KLF8: variants seen among roughly 807,000 people sequenced by gnomAD.
KLF8 encodes the protein KLF transcription factor 8.
A neutral mutation model predicts 18.2 loss-of-function variants in KLF8; 10 were observed. That is an observed-to-expected ratio of 0.55 (90% confidence interval 0.34 to 0.93). The LOEUF (loss-of-function observed/expected upper bound fraction) is 0.93. Ranked by LOEUF, KLF8 falls within the 40% of genes least tolerant of loss-of-function variation. The probability of loss-of-function intolerance (pLI) is 0.02; values close to 1 mark genes in which losing one functional copy is unlikely to be tolerated. For synonymous variants in KLF8, 109 were observed against 97.3 expected, an observed-to-expected ratio of 1.12 and a Z score of -0.71; for missense variants, 264 against 277.9, an observed-to-expected ratio of 0.95 and a Z score of 0.36.
At chrX:56,105,523 T>A in the KLF8 span, among the ~76,000 whole-genome samples, 13,703 of 109,444 alleles carry the variant, frequency 0.13, 1,615 homozygotes, top group African/African-American at 0.37. Flanking sequence ...AGACTAGAAC[T>A]GCAACCCCTG....
the KLF8 span, among the ~76,000 whole-genome samples, chrX:56,183,912 C>G: frequency 2.7e-5 from 3 of 111,413 alleles, no homozygotes; most frequent in Non-Finnish European, 5.7e-5. Flanking sequence ...CGAATAGGAA[C>G]AGCTCTGGTC....
At chrX:56,127,741 T>C in the KLF8 span, among the ~76,000 whole-genome samples, 1 of 111,693 alleles carries the variant, frequency 9.0e-6, no homozygotes, top group East Asian at 2.8e-4. Context: ...TATCAAAATA[T>C]CATGTTATAT....
At position 56,232,597 on chromosome X, in the gene KLF8, T is replaced by A. The variant is rs1426533301; in HGVS notation, c.-738T>A. 9.0e-6 allele frequency: 1 copy of A among 111,514 alleles called. No individual in the cohort carries two copies. The highest frequency in any genetic ancestry group is 1.9e-5 in the Non-Finnish European group (1 of 53,065). 9.2% of individuals were successfully genotyped at this position (111,514 alleles called of 1,213,427 possible). ...GCCCCAGAGGACCCGCACGAGTTGC[T>A]GCCATTTTTCGCTGAAGCCCCTGCC... is the stretch of plus-strand genomic sequence containing the variant. On this transcript the variant is annotated 5_prime_UTR_variant, in exon 1 of 6. Transcript: ENST00000468660.
the KLF8 span, among the ~76,000 whole-genome samples, chrX:56,208,491 A>AT: frequency 4.3e-4 from 47 of 109,271 alleles, no homozygotes; most frequent in Admixed American, 2.5e-3. Context: ...TCTAATCCTT[A>AT]TTTTTTTTCT....
chrX:56,000,436 G>T, the KLF8 span, among the ~76,000 whole-genome samples: 4 of 82,649 alleles, frequency 4.8e-5, no homozygotes, highest in Admixed American at 1.8e-4. Context: ...ACATCTGGTA[G>T]AATTCAGCTG....
chrX:56,206,060 T>C, the KLF8 span, among the ~76,000 whole-genome samples: 1 of 111,281 alleles, frequency 9.0e-6, no homozygotes, highest in Non-Finnish European at 1.9e-5. Flanking sequence ...CTCCCACTTA[T>C]AAAACCATCA....
At chrX:55,975,800 T>C in the KLF8 span, among the ~76,000 whole-genome samples, 2 of 111,285 alleles carry the variant, frequency 1.8e-5, no homozygotes, top group Non-Finnish European at 3.8e-5. Context: ...AAAATTGAGG[T>C]ATAATTAACA....
chrX:56,138,478 T>A, the KLF8 span, among the ~76,000 whole-genome samples: 1 of 111,671 alleles, frequency 9.0e-6, no homozygotes, highest in Non-Finnish European at 1.9e-5. Flanking sequence ...CATAATCAAG[T>A]AGGCCTTATT....
chrX:56,079,075 G>C, the KLF8 span, among the ~76,000 whole-genome samples: 1 of 110,549 alleles, frequency 9.0e-6, no homozygotes, highest in Non-Finnish European at 1.9e-5. Context: ...CAATTTTGTT[G>C]ATCCTTTCAA....
chrX:56,193,380 G>T, the KLF8 span, among the ~76,000 whole-genome samples: 1 of 111,896 alleles, frequency 8.9e-6, no homozygotes, highest in East Asian at 2.8e-4. Context: ...GGGGTTGTAA[G>T]TTAGTACAAC....
At chrX:55,965,546 A>C in the KLF8 span, among the ~76,000 whole-genome samples, 2 of 111,893 alleles carry the variant, frequency 1.8e-5, no homozygotes, top group African/African-American at 6.5e-5. Context: ...ACAATCAGGC[A>C]AGGGAAAGAA....
chrX:56,051,063 C>G, the KLF8 span, among the ~76,000 whole-genome samples: 2 of 109,948 alleles, frequency 1.8e-5, no homozygotes, highest in African/African-American at 3.3e-5. Flanking sequence ...GGTTTAAAGT[C>G]TGTTTTATCA....
At chrX:56,189,346 G>C in the KLF8 span, among the ~76,000 whole-genome samples, 26 of 111,789 alleles carry the variant, frequency 2.3e-4, no homozygotes, top group African/African-American at 8.1e-4. Flanking sequence ...AGTTAGAATG[G>C]CAATCATTAA....
chrX:56,075,071 C>G, the KLF8 span, among the ~76,000 whole-genome samples: 1 of 110,244 alleles, frequency 9.1e-6, no homozygotes, highest in Non-Finnish European at 1.9e-5. Flanking sequence ...GTATCCATCC[C>G]CACGAGCATT....
the KLF8 span, among the ~76,000 whole-genome samples, chrX:56,047,737 T>C: frequency 4.5e-5 from 5 of 111,716 alleles, no homozygotes; most frequent in East Asian, 1.1e-3. Context: ...CGTGTGAATG[T>C]GTCTTTATAG....
At chrX:56,133,725 A>G in the KLF8 span, among the ~76,000 whole-genome samples, 3 of 111,690 alleles carry the variant, frequency 2.7e-5, no homozygotes. Flanking sequence ...AAATCAAACT[A>G]TAACTGTTTT....
chrX:56,254,783 T>C (rs911980907), intron 2 of KLF8, among the ~76,000 whole-genome samples: 2 of 111,403 alleles, frequency 1.8e-5, no homozygotes, highest in Non-Finnish European at 3.8e-5. Flanking sequence ...AACTATAATC[T>C]CCAACGTTTA....
the KLF8 span, among the ~76,000 whole-genome samples, chrX:56,104,549 A>T: frequency 9.0e-6 from 1 of 111,117 alleles, no homozygotes; most frequent in Admixed American, 9.6e-5. Context: ...TTTCTGTGGG[A>T]TCGGTGGTGA....
chrX:56,021,403 T>A, the KLF8 span, among the ~76,000 whole-genome samples: 2 of 111,613 alleles, frequency 1.8e-5, no homozygotes, highest in African/African-American at 6.5e-5. Flanking sequence ...ATAATAATCA[T>A]ACAATTAAAA....
Sources: gnomAD v4.1 joint callset for allele counts (sites outside exome capture counted in the v4.1 genomes callset) on GRCh38, gnomAD v4.1.1 for gene constraint, MANE v1.5 for transcripts, NCBI Gene and HGNC (gene_info 2026-07-23, HGNC 2026-07-21) for gene names.